Variants in ATG7 observed in about 807,000 individuals in gnomAD.
ATG7 encodes the protein autophagy related 7, also known as ubiquitin-like modifier-activating enzyme ATG7.
ATG7 carries 70 observed loss-of-function variants against 82.4 expected under a neutral mutation model. The ratio of observed to expected loss-of-function variants is 0.85; its 90% CI spans 0.70 to 1.04. The LOEUF is 1.04. ATG7 is among the 50% of genes least tolerant of loss of function. The pLI is 0.00. For missense variants in ATG7, 792 were observed against 864.3 expected (o/e 0.92, Z 1.05); for synonymous variants, 287 against 313.0 (o/e 0.92, Z 0.88).
intron 20 of ATG7, among the ~76,000 whole-genome samples, chr3:11,539,451 G>A (rs1575247475): frequency 6.6e-6 from 1 of 152,166 alleles, no homozygotes; most frequent in Admixed American, 6.5e-5. Flanking sequence ...GCACTGAGCC[G>A]GGGAGGCCAG....
chr3:11,273,837 A>AGG (rs1485826581), intron 1 of ATG7, among the ~76,000 whole-genome samples: 1 of 152,132 alleles, frequency 6.6e-6, no homozygotes, highest in African/African-American at 2.4e-5. Flanking sequence ...TGAAACGTAC[A>AGG]GGGTCATGGG....
intron 12 of ATG7, among the ~76,000 whole-genome samples, chr3:11,341,673 C>T (rs777666869): frequency 2.0e-5 from 3 of 152,106 alleles, no homozygotes; most frequent in Non-Finnish European, 4.4e-5. Flanking sequence ...GTCTCGAACT[C>T]CTGACCTCAG....
intron 20 of ATG7, among the ~76,000 whole-genome samples, chr3:11,544,590 T>C (rs1186964617): frequency 6.6e-6 from 1 of 152,122 alleles, no homozygotes; most frequent in Non-Finnish European, 1.5e-5. Flanking sequence ...CCCCAGCTGC[T>C]CCCGCCTGGG....
At chr3:11,370,488 T>C (rs1171538150) in intron 18 of ATG7, among the ~76,000 whole-genome samples, 1 of 151,240 alleles carries the variant, frequency 6.6e-6, no homozygotes, top group Non-Finnish European at 1.5e-5. Context: ...CCAAGATCGA[T>C]CTGGAGTTTG....
In ATG7 at chr3:11,546,206, C is replaced by G. The variant is rs1420711041; in HGVS notation, c.2080-8605C>G. ...TTTTTTTTTGAGATGGAGTCCTGCTCTGTCACCCAGGCTGGAGTGCAGTGG... is the reference window on the plus strand; with the variant it reads ...TTTTTTTTTGAGATGGAGTCCTGCTGTGTCACCCAGGCTGGAGTGCAGTGG... On this transcript the variant is annotated intron_variant, in intron 20 of 20. Coordinates refer to ENST00000693202, the MANE Select transcript of ATG7 (RefSeq NM_001349232.2). Among the ~76,000 whole-genome samples the G allele has an allele frequency of 2.6e-5, 3 of 117,478 alleles. No individual in the cohort carries two copies. In the East Asian group the frequency reaches 8.3e-4, roughly 32 times the overall value. 77.1% of individuals were successfully genotyped at this position (117,478 alleles called of 152,430 possible).
chr3:11,569,762 G>A, the ATG7 span, among the ~76,000 whole-genome samples: 2 of 152,202 alleles, frequency 1.3e-5, no homozygotes, highest in Non-Finnish European at 2.9e-5. Flanking sequence ...TGCACCTGTG[G>A]TCCCAGCTAC....
intron 20 of ATG7, among the ~76,000 whole-genome samples, chr3:11,460,814 GC>G (rs750742284): frequency 2.6e-5 from 4 of 152,192 alleles, no homozygotes; most frequent in Non-Finnish European, 4.4e-5. Context: ...CACTGTCTAT[GC>G]CTGGTAAGGG....
At chr3:11,510,136 G>C (rs767359300) in intron 20 of ATG7, 7 of 438,398 alleles carry the variant, frequency 1.6e-5, no homozygotes, top group African/African-American at 6.1e-5. Context: ...AGGAAGGTAC[G>C]TGCCTGACAC....
At chr3:11,322,639 G>T (rs1298572318) in intron 9 of ATG7, among the ~76,000 whole-genome samples, 2 of 151,950 alleles carry the variant, frequency 1.3e-5, no homozygotes, top group Non-Finnish European at 2.9e-5. Flanking sequence ...CTTTTTAATG[G>T]ATGTATGATA....
At chr3:11,554,537 C>T (rs559252226) in intron 20 of ATG7, among the ~76,000 whole-genome samples, 16 of 152,278 alleles carry the variant, frequency 1.1e-4, no homozygotes, top group South Asian at 8.3e-4. Flanking sequence ...GACGGTCCCC[C>T]GAGGTGGACA....
chr3:11,353,552 G>A (rs1173909443), intron 14 of ATG7, among the ~76,000 whole-genome samples: 5 of 152,250 alleles, frequency 3.3e-5, no homozygotes, highest in African/African-American at 7.2e-5. Context: ...GATCCTCACT[G>A]TTGGAGGTGG....
chr3:11,571,744 T>C, the ATG7 span, among the ~76,000 whole-genome samples: 1 of 152,218 alleles, frequency 6.6e-6, no homozygotes, highest in Admixed American at 6.5e-5. Flanking sequence ...ATCAACTCCA[T>C]GGACCCGGCA....
chr3:11,476,803 A>G (rs892654322), intron 20 of ATG7, among the ~76,000 whole-genome samples: 8 of 152,222 alleles, frequency 5.3e-5, no homozygotes, highest in African/African-American at 1.9e-4. Flanking sequence ...TTCTGAAAGA[A>G]CATTTATGTT....
intron 3 of ATG7, among the ~76,000 whole-genome samples, chr3:11,296,055 G>A (rs1945857393): frequency 6.6e-6 from 1 of 152,184 alleles, no homozygotes; most frequent in African/African-American, 2.4e-5. Context: ...TGGGATTACA[G>A]GCATGAGCCA....
chr3:11,441,418 A>G (rs2152968771), intron 20 of ATG7, among the ~76,000 whole-genome samples: 1 of 151,422 alleles, frequency 6.6e-6, no homozygotes, highest in Non-Finnish European at 1.5e-5. Context: ...ATTTTTTTGT[A>G]TTTTTAGTAG....
At chr3:11,481,582 T>C (rs2088980217) in intron 20 of ATG7, among the ~76,000 whole-genome samples, 1 of 152,218 alleles carries the variant, frequency 6.6e-6, no homozygotes, top group Admixed American at 6.5e-5. Context: ...TATTATCCTT[T>C]GCATCAGAAA....
chr3:11,576,230 G>C, the ATG7 span, among the ~76,000 whole-genome samples: 3 of 152,128 alleles, frequency 2.0e-5, no homozygotes, highest in South Asian at 6.2e-4. Flanking sequence ...AATTCAGATG[G>C]GGCAGGAATC....
chr3:11,411,291 T>C (rs947463946), intron 19 of ATG7, among the ~76,000 whole-genome samples: 1 of 152,142 alleles, frequency 6.6e-6, no homozygotes, highest in African/African-American at 2.4e-5. Flanking sequence ...CTTGGTTGTT[T>C]GTTGTTGAGT....
chr3:11,558,475 A>ATTTT, downstream of ATG7: 1 of 789,780 alleles, frequency 1.3e-6, no homozygotes, highest in South Asian at 2.0e-5. Context: ...CACCCCCATG[A>ATTTT]TTTTTTTTTT....
Sources: allele counts gnomAD v4.1 joint callset (sites outside exome capture counted in the v4.1 genomes callset), GRCh38; gene constraint gnomAD v4.1.1; transcripts MANE v1.5; gene names NCBI Gene and HGNC (gene_info 2026-07-23, HGNC 2026-07-21).